Variants in PRMT3 observed in about 807,000 individuals in gnomAD.
PRMT3 encodes protein arginine methyltransferase 3.
A neutral mutation model predicts 71.9 loss-of-function variants in PRMT3; 62 were observed. That is an observed-to-expected ratio of 0.86 (90% CI 0.70 to 1.07). The LOEUF is 1.07. Ranked by LOEUF, PRMT3 falls within the 50% of genes least tolerant of loss-of-function variation. PRMT3 has a pLI of 0.00. For missense variants in PRMT3, 663 were observed against 643.0 expected (o/e 1.03, Z -0.34); for synonymous variants, 213 against 220.4 (o/e 0.97, Z 0.30).
rs1323708045 is a variant in PRMT3 at position 20,508,866 on chromosome 11, T to G, written c.*453T>G. On this transcript the variant is annotated 3_prime_UTR_variant, in exon 16 of 16. Transcript: ENST00000331079. The stretch of plus-strand genomic sequence containing the variant: ...TCTGAGGAGGAGTTTTTAATTGTAT[T>G]TGCTAGAAAATCAGGATGTAATAAA... 2 of 183,964 alleles carry G rather than the reference T, an allele frequency of 1.1e-5. No individual in the cohort carries two copies. The highest frequency in any genetic ancestry group is 1.2e-5 in the Non-Finnish European group (1 of 85,342). 11.4% of individuals were successfully genotyped at this position (183,964 alleles called of 1,614,324 possible).
In PRMT3 at chr11:20,426,851, A is replaced by G. The variant is rs1849557842; in HGVS notation, c.979A>G (p.Ile327Val). The change falls in exon 10 of 16, where the codon ATA becomes GTA. Residue 327 changes from isoleucine (I) to valine (V), a missense_variant. By Grantham distance (29) the Ile-to-Val change is conservative. Transcript: ENST00000331079. ...TCCTGTAGAAAAAGTAGATGTTATC[A>G]TATCTGAGTGGATGGTGAGTGTTTA... The part of the protein sequence containing the change: ...HLPVEKVDVI[I>V]SEWMGYFLLF... 1 of 1,530,328 alleles carries G rather than the reference A, an allele frequency of 6.5e-7. No homozygotes were observed. Among genetic ancestry groups the G allele is most frequent in the East Asian group, 2.5e-5 (1 of 39,390 alleles). The allele number at this position is 1,530,328 out of a possible 1,614,324, so 94.8% of individuals were successfully genotyped here.
chr11:20,393,042 C>A, intron 5 of PRMT3, 43 bp downstream of exon 5: 1 of 1,242,544 alleles, frequency 8.0e-7, no homozygotes, highest in South Asian at 1.3e-5. Context: ...AACATAAGGC[C>A]GTTTGTTAAC....
chr11:20,470,820 G>A (rs1009754881), intron 13 of PRMT3, among the ~76,000 whole-genome samples: 45 of 152,122 alleles, frequency 3.0e-4, no homozygotes, highest in African/African-American at 1.1e-3. Flanking sequence ...AATTGCCACT[G>A]TCTTCTGCAA....
intron 13 of PRMT3, among the ~76,000 whole-genome samples, chr11:20,491,776 GT>G (rs1851213540): frequency 6.6e-6 from 1 of 152,096 alleles, no homozygotes; most frequent in Admixed American, 6.5e-5. Flanking sequence ...TGCTGTGTGG[GT>G]TTGGATCTCA....
At chr11:20,408,331 T>G (rs969176586) in intron 9 of PRMT3, among the ~76,000 whole-genome samples, 5 of 151,930 alleles carry the variant, frequency 3.3e-5, no homozygotes, top group Non-Finnish European at 2.9e-5. Context: ...CTATTGATAC[T>G]TAGAGTAATA....
chr11:20,417,732 A>G (rs1052299422), intron 9 of PRMT3, among the ~76,000 whole-genome samples: 1 of 151,726 alleles, frequency 6.6e-6, no homozygotes, highest in Non-Finnish European at 1.5e-5. Flanking sequence ...TAGTCATACT[A>G]AACTGTTCAG....
chr11:20,468,862 T>A (rs1850576616), intron 13 of PRMT3, among the ~76,000 whole-genome samples: 1 of 152,122 alleles, frequency 6.6e-6, no homozygotes, highest in South Asian at 2.1e-4. Flanking sequence ...AAACATTATC[T>A]TCTGCAGTCT....
intron 9 of PRMT3, among the ~76,000 whole-genome samples, chr11:20,413,233 A>G (rs1171950002): frequency 6.6e-6 from 1 of 152,130 alleles, no homozygotes; most frequent in Non-Finnish European, 1.5e-5. Flanking sequence ...AAATTTTAAA[A>G]TTTGGAGTGA....
At chr11:20,426,660 C>CT (rs1242810973) in intron 9 of PRMT3, 106 bp from the exon 10 acceptor site, 1 of 1,147,218 alleles carries the variant, frequency 8.7e-7, no homozygotes, top group African/African-American at 1.6e-5. Flanking sequence ...GATTGAAATA[C>CT]TTTTTTGTCC....
At chr11:20,398,567 C>A (rs1848882410) in intron 7 of PRMT3, among the ~76,000 whole-genome samples, 1 of 152,210 alleles carries the variant, frequency 6.6e-6, no homozygotes, top group African/African-American at 2.4e-5. Context: ...ATTCTCTTGC[C>A]TCAGCCTACC....
intron 4 of PRMT3, among the ~76,000 whole-genome samples, chr11:20,392,672 C>T (rs537316352): frequency 4.4e-5 from 6 of 137,002 alleles, no homozygotes; most frequent in Non-Finnish European, 6.1e-5. Flanking sequence ...GACATGACAA[C>T]GCTTTCCCCA....
At chr11:20,477,069 C>G (rs1850808178) in intron 13 of PRMT3, among the ~76,000 whole-genome samples, 1 of 152,164 alleles carries the variant, frequency 6.6e-6, no homozygotes, top group Non-Finnish European at 1.5e-5. Flanking sequence ...TGGCCAAGTT[C>G]TTGGGAAGAC....
chr11:20,508,205 A>T, intron 15 of PRMT3, 99 bp from the exon 16 acceptor site: 1 of 608,516 alleles, frequency 1.6e-6, no homozygotes, highest in East Asian at 2.9e-5. Flanking sequence ...AAAAAGTGGG[A>T]AAACATCACA....
intron 11 of PRMT3, among the ~76,000 whole-genome samples, chr11:20,457,064 T>C (rs1369370851): frequency 1.3e-5 from 2 of 151,990 alleles, no homozygotes; most frequent in Admixed American, 6.6e-5. Context: ...TTAGTAGAAG[T>C]GGGGTTTCAG....
intron 13 of PRMT3, among the ~76,000 whole-genome samples, chr11:20,469,505 G>T (rs1271498642): frequency 2.0e-5 from 3 of 152,172 alleles, no homozygotes; most frequent in Non-Finnish European, 2.9e-5. Flanking sequence ...AAATAGTTAA[G>T]ATGGATTTAT....
intron 10 of PRMT3, among the ~76,000 whole-genome samples, chr11:20,433,825 G>A (rs1458998063): frequency 2.0e-5 from 3 of 152,018 alleles, no homozygotes; most frequent in Non-Finnish European, 4.4e-5. Flanking sequence ...TCACCATGTT[G>A]GCCAGGCTGG....
chr11:20,508,401 T>C lies in PRMT3; in HGVS notation c.1584T>C (p.Tyr528=), dbSNP rs200923383. The change falls in exon 16 of 16, where the codon TAT becomes TAC. Residue 528 remains tyrosine, a synonymous_variant. Transcript: ENST00000331079. ...TLTLNNSTQT[Y]GLQ is the part of the protein sequence containing the mutation. ...CGTTGAATAATTCAACTCAAACTTA[T>C]GGTCTCCAGTGAAACAGCCATAAAA... The C allele has an allele frequency of 2.1e-5, 34 of 1,600,688 alleles. No individual in the cohort carries two copies. Among genetic ancestry groups the C allele is most frequent in the South Asian group, 8.8e-5 (8 of 90,794 alleles).
intron 9 of PRMT3, among the ~76,000 whole-genome samples, chr11:20,420,328 C>G (rs949665609): frequency 6.6e-6 from 1 of 152,166 alleles, no homozygotes; most frequent in Non-Finnish European, 1.5e-5. Context: ...TTCAATGTAT[C>G]TATGTATTTA....
At chr11:20,417,807 T>C (rs1267062259) in intron 9 of PRMT3, among the ~76,000 whole-genome samples, 1 of 150,060 alleles carries the variant, frequency 6.7e-6, no homozygotes, top group Non-Finnish European at 1.5e-5. Context: ...CAGGAGGCAG[T>C]TGTGCACAGA....
Sources: gnomAD v4.1 joint callset for allele counts (sites outside exome capture counted in the v4.1 genomes callset) on GRCh38, gnomAD v4.1.1 for gene constraint, MANE v1.5 for transcripts, NCBI Gene and HGNC (gene_info 2026-07-23, HGNC 2026-07-21) for gene names.